The following PPP4R4 variants were observed in gnomAD, a reference collection of about 807,000 sequenced individuals.
PPP4R4 encodes the protein serine/threonine-protein phosphatase 4 regulatory subunit 4.
A neutral mutation model predicts 121.8 loss-of-function variants in PPP4R4; 70 were observed. The observed-to-expected ratio is 0.57, with a 90% CI of 0.47 to 0.70. PPP4R4 has a LOEUF of 0.70. Ranked by LOEUF, PPP4R4 falls within the 30% of genes least tolerant of loss-of-function variation. The probability of loss-of-function intolerance (pLI) is 0.00; values close to 1 mark genes in which losing one functional copy is unlikely to be tolerated. For synonymous variants in PPP4R4, 348 were observed against 355.7 expected, an observed-to-expected ratio of 0.98 and a Z score of 0.24; for missense variants, 875 against 1,033.6, an observed-to-expected ratio of 0.85 and a Z score of 2.10.
intron 14 of PPP4R4, among the ~76,000 whole-genome samples, chr14:94,247,540 A>T (rs1892961148): frequency 1.3e-5 from 2 of 152,208 alleles, no homozygotes; most frequent in Admixed American, 6.5e-5. Context: ...ATTGAGGAGG[A>T]AGTGTTCCTG....
chr14:94,192,024 C>T (rs945302471), intron 2 of PPP4R4, among the ~76,000 whole-genome samples: 6 of 152,044 alleles, frequency 3.9e-5, no homozygotes, highest in South Asian at 2.1e-4. Flanking sequence ...AGAAATATAC[C>T]GCTCATATAT....
intron 3 of PPP4R4, among the ~76,000 whole-genome samples, chr14:94,229,505 T>C (rs1891896797): frequency 6.6e-6 from 1 of 152,164 alleles, no homozygotes; most frequent in African/African-American, 2.4e-5. Context: ...TCCAACTAGA[T>C]ATCCAAAGGT....
intron 4 of PPP4R4, 142 bp from the exon 5 acceptor site, chr14:94,231,099 AT>A: frequency 1.5e-6 from 1 of 661,322 alleles, no homozygotes; most frequent in Non-Finnish European, 2.4e-6. Context: ...CTGAGACAAA[AT>A]AATAGAGAAA....
intron 2 of PPP4R4, among the ~76,000 whole-genome samples, chr14:94,191,685 A>G (rs1889611393): frequency 6.6e-6 from 1 of 152,184 alleles, no homozygotes; most frequent in Non-Finnish European, 1.5e-5. Context: ...GCTAAAGAGG[A>G]GTTTATCTCT....
chr14:94,205,780 G>T (rs1890422500), intron 2 of PPP4R4, among the ~76,000 whole-genome samples: 1 of 151,836 alleles, frequency 6.6e-6, no homozygotes, highest in Non-Finnish European at 1.5e-5. Context: ...TAGTTTCCAA[G>T]AGTTGGGAGA....
chr14:94,174,983 C>G (rs1250305089), intron 1 of PPP4R4, among the ~76,000 whole-genome samples: 43 of 147,256 alleles, frequency 2.9e-4, no homozygotes, highest in East Asian at 2.1e-4. Flanking sequence ...GCCCCCCCCC[C>G]CCAAAGGAGC....
At chr14:94,264,797 C>T in intron 19 of PPP4R4, 81 bp from the exon 20 acceptor site, 2 of 1,051,980 alleles carry the variant, frequency 1.9e-6, no homozygotes, top group Non-Finnish European at 2.9e-6. Flanking sequence ...TTACTTGAAT[C>T]TCTAATGCTT....
intron 2 of PPP4R4, among the ~76,000 whole-genome samples, chr14:94,183,381 AT>A (rs746928026): frequency 1.8e-4 from 28 of 152,222 alleles, no homozygotes; most frequent in Non-Finnish European, 3.2e-4. Context: ...TGTTTAATAT[AT>A]TAAGAGCAGT....
Position 94,267,035 on chromosome 14 carries a change from T to C in PPP4R4, c.2449+6T>C. On this transcript the variant is annotated splice_donor_region_variant and intron_variant, in intron 23 of 24. Transcript: ENST00000304338. ...TTCTGTGCTTTCACTAGCTGGTAAG[T>C]AGCAATCTAAGTTCTTCAAAAAGTT... The C allele has an allele frequency of 1.9e-6, 3 of 1,569,552 alleles. No homozygotes were observed. The highest frequency in any genetic ancestry group is 2.6e-6 in the Non-Finnish European group (3 of 1,145,730).
chr14:94,177,269 CCT>C (rs1461872802), intron 2 of PPP4R4, among the ~76,000 whole-genome samples: 1 of 152,148 alleles, frequency 6.6e-6, no homozygotes, highest in Non-Finnish European at 1.5e-5. Flanking sequence ...TATTTTCCCC[CCT>C]CTTTGGGGTA....
intron 24 of PPP4R4, among the ~76,000 whole-genome samples, chr14:94,277,858 G>A (rs538215446): frequency 1.3e-5 from 2 of 152,088 alleles, no homozygotes; most frequent in Non-Finnish European, 2.9e-5. Context: ...TAACACATCA[G>A]GTTTATTTAG....
At chr14:94,213,833 G>A (rs1890871905) in intron 3 of PPP4R4, among the ~76,000 whole-genome samples, 1 of 152,162 alleles carries the variant, frequency 6.6e-6, no homozygotes, top group Non-Finnish European at 1.5e-5. Flanking sequence ...CTGGCCTCCA[G>A]ACCTGTGAGA....
chr14:94,234,391 T>G (rs780780322), intron 6 of PPP4R4, among the ~76,000 whole-genome samples, 171 bp from the exon 7 acceptor site: 1 of 152,220 alleles, frequency 6.6e-6, no homozygotes, highest in Non-Finnish European at 1.5e-5. Context: ...TACAAGTAGC[T>G]AATAACATCC....
At chr14:94,255,738 T>C (rs1305988436) in intron 16 of PPP4R4, among the ~76,000 whole-genome samples, 1 of 152,248 alleles carries the variant, frequency 6.6e-6, no homozygotes, top group Non-Finnish European at 1.5e-5. Flanking sequence ...TTTCTGTTCT[T>C]GACTAGCTGC....
At chr14:94,266,704 T>C (rs4144497) in intron 22 of PPP4R4, among the ~76,000 whole-genome samples, 35,875 of 151,930 alleles carry the variant, frequency 0.24, 5,096 homozygotes, top group East Asian at 0.59. Context: ...TTTTACCCAT[T>C]TTAGCTGCCT....
chr14:94,175,608 C>A (rs1372209956), intron 1 of PPP4R4: 1 of 158,852 alleles, frequency 6.3e-6, no homozygotes, highest in Non-Finnish European at 1.4e-5. Context: ...TTCCCTCCCC[C>A]ACTCCAGATC....
intron 18 of PPP4R4, 40 bp from the exon 19 acceptor site, chr14:94,259,255 A>G: frequency 6.3e-7 from 1 of 1,575,108 alleles, no homozygotes; most frequent in South Asian, 1.2e-5. Flanking sequence ...GCAGAAACTC[A>G]TCACTAATGT....
intron 3 of PPP4R4, among the ~76,000 whole-genome samples, chr14:94,222,642 C>G (rs998571396): frequency 2.2e-4 from 33 of 149,168 alleles, no homozygotes; most frequent in Admixed American, 6.7e-5. Flanking sequence ...AACAAATTAT[C>G]TTTGTTTTTG....
intron 2 of PPP4R4, among the ~76,000 whole-genome samples, chr14:94,176,839 G>C (rs552579448): frequency 1.3e-5 from 2 of 152,030 alleles, no homozygotes; most frequent in African/African-American, 4.8e-5. Flanking sequence ...AGCATTTTGC[G>C]TTTATTTAAA....
Sources: allele counts gnomAD v4.1 joint callset (sites outside exome capture counted in the v4.1 genomes callset), GRCh38; gene constraint gnomAD v4.1.1; transcripts MANE v1.5; gene names NCBI Gene and HGNC (gene_info 2026-07-23, HGNC 2026-07-21).